Variants in GRM7 observed in about 807,000 individuals in gnomAD.
GRM7 encodes glutamate metabotropic receptor 7, also known as metabotropic glutamate receptor 7.
A neutral mutation model predicts 84.5 loss-of-function variants in GRM7; 35 were observed. The ratio of observed to expected loss-of-function variants is 0.41; its 90% CI spans 0.32 to 0.55. The LOEUF is 0.55. Ranked by LOEUF, GRM7 falls within the 20% of genes least tolerant of loss-of-function variation. The probability of loss-of-function intolerance (pLI) is 0.19; values close to 1 mark genes in which losing one functional copy is unlikely to be tolerated. For synonymous variants in GRM7, 487 were observed against 455.1 expected (o/e 1.07, Z -0.89); for missense variants, 1,003 against 1,194.6 (o/e 0.84, Z 2.36).
chr3:7,138,726 T>C (rs1462493560), intron 1 of GRM7, among the ~76,000 whole-genome samples: 2 of 151,676 alleles, frequency 1.3e-5, no homozygotes, highest in Non-Finnish European at 3.0e-5. Context: ...TAGATATACA[T>C]TACATTATTA....
At position 7,680,273 on chromosome 3, in the gene GRM7, C is replaced by G; in HGVS notation, c.2676C>G (p.Leu892=). 6.2e-7 allele frequency: 1 copy of G among 1,614,160 alleles called. No homozygotes were observed. Among genetic ancestry groups the G allele is most frequent in the Non-Finnish European group, 8.5e-7 (1 of 1,179,986 alleles). The change falls in exon 9 of 10, where the codon CTC becomes CTG. Residue 892 remains leucine (L), a synonymous_variant. Coordinates refer to ENST00000357716, the MANE Select transcript of GRM7 (RefSeq NM_000844.4). ...DRPNGEAKTE[L]CENVDPNSPA... Reference sequence around the variant, plus strand: ...CCAACGGTGAGGCAAAGACCGAGCTCTGTGAAAACGTAGACCCAAACAGTA... The same window carrying G: ...CCAACGGTGAGGCAAAGACCGAGCTGTGTGAAAACGTAGACCCAAACAGTA...
At chr3:7,502,455 T>C (rs1699912534) in intron 7 of GRM7, among the ~76,000 whole-genome samples, 1 of 152,164 alleles carries the variant, frequency 6.6e-6, no homozygotes, top group Non-Finnish European at 1.5e-5. Flanking sequence ...AATGAGACAT[T>C]TGGGTATCAG....
chr3:7,164,902 G>A (rs1184919722), intron 2 of GRM7, among the ~76,000 whole-genome samples: 1 of 152,180 alleles, frequency 6.6e-6, no homozygotes, highest in Non-Finnish European at 1.5e-5. Context: ...TCTGGGTTGA[G>A]ACTAGTGTAA....
chr3:7,296,823 A>T (rs1175634434), intron 2 of GRM7, among the ~76,000 whole-genome samples: 3 of 146,526 alleles, frequency 2.0e-5, no homozygotes, highest in Non-Finnish European at 3.0e-5. Flanking sequence ...AGCTTTTTTA[A>T]AAAAAAAAAA....
At chr3:7,067,639 A>G (rs1384687210) in intron 1 of GRM7, among the ~76,000 whole-genome samples, 1 of 151,880 alleles carries the variant, frequency 6.6e-6, no homozygotes, top group East Asian at 1.9e-4. Context: ...GGGAGGAGAG[A>G]ACTGGGATAC....
chr3:7,538,885 G>A (rs1455383142), intron 7 of GRM7, among the ~76,000 whole-genome samples: 1 of 152,106 alleles, frequency 6.6e-6, no homozygotes, highest in Non-Finnish European at 1.5e-5. Context: ...ATCAGAATAG[G>A]GACTTGGTAG....
At chr3:6,867,025 T>C (rs1031601644) in intron 1 of GRM7, among the ~76,000 whole-genome samples, 8 of 152,210 alleles carry the variant, frequency 5.3e-5, no homozygotes, top group African/African-American at 1.7e-4. Context: ...TAGATGTGAG[T>C]AGGGCTGAGT....
Position 7,634,493 on chromosome 3 carries a change from AAAAAAAAAAG to A in GRM7, c.2452-45555_2452-45546del, listed in dbSNP as rs1376600595. 1.3e-3 allele frequency among the ~76,000 whole-genome samples: 173 copies of A among 132,414 alleles called. 2 individuals carry two copies. The highest frequency in any genetic ancestry group is 4.2e-3 in the African/African-American group (151 of 35,826). The allele number at this position is 132,414 out of a possible 152,430, so 86.9% of individuals were successfully genotyped here. A position where few individuals can be genotyped will look rare whatever the true frequency, so the allele number is the denominator to read the frequency against. On this transcript the variant is annotated intron_variant, in intron 8 of 9. Transcript: ENST00000357716. Reference sequence around the variant, plus strand: ...CACTTTTTTTCCAAAAAAAAAAAAAAAAAAAAAAAGGGCTGGGCTCCATGGCTCACGCCTG... The same window carrying A: ...CACTTTTTTTCCAAAAAAAAAAAAAAGGCTGGGCTCCATGGCTCACGCCTG...
At chr3:7,203,146 G>T (rs1318131784) in intron 2 of GRM7, among the ~76,000 whole-genome samples, 1 of 152,026 alleles carries the variant, frequency 6.6e-6, no homozygotes, top group Non-Finnish European at 1.5e-5. Flanking sequence ...TCAAACCTTG[G>T]AACTTATTTC....
chr3:7,615,235 T>A (rs919899646), intron 8 of GRM7, among the ~76,000 whole-genome samples: 1 of 151,846 alleles, frequency 6.6e-6, no homozygotes, highest in Non-Finnish European at 1.5e-5. Context: ...TAAATCTGTG[T>A]GTCACTGTCT....
At chr3:7,542,698 C>T (rs1293621603) in intron 7 of GRM7, among the ~76,000 whole-genome samples, 2 of 151,982 alleles carry the variant, frequency 1.3e-5, no homozygotes, top group Admixed American at 6.5e-5. Flanking sequence ...CAGGCACATG[C>T]CACCACGCCA....
rs368087798 is a variant in GRM7 at position 7,593,059 on chromosome 3, G to A, written c.2451+13702G>A. Among the ~76,000 whole-genome samples the A allele has an allele frequency of 9.2e-5, 14 of 152,304 alleles. No individual in the cohort carries two copies. The South Asian group carries it at 2.9e-3, about 32-fold the overall frequency. ...ATATTCCATGCATGGAAATGCTCTT[G>A]CTAGTTAGAGTATCTTTTCAAATGC... On this transcript the variant is annotated intron_variant, in intron 8 of 9. Transcript: ENST00000357716.
At chr3:7,519,322 A>G (rs1700505357) in intron 7 of GRM7, among the ~76,000 whole-genome samples, 1 of 151,734 alleles carries the variant, frequency 6.6e-6, no homozygotes, top group African/African-American at 2.4e-5. Context: ...AGATAGCACC[A>G]CTGCACTCCA....
intron 7 of GRM7, among the ~76,000 whole-genome samples, chr3:7,542,793 G>C (rs1389129972): frequency 6.6e-6 from 1 of 152,120 alleles, no homozygotes; most frequent in Non-Finnish European, 1.5e-5. Flanking sequence ...TGATCTGCCT[G>C]CCTCGGCCTC....
intron 5 of GRM7, among the ~76,000 whole-genome samples, chr3:7,444,682 C>A (rs906806800): frequency 5.3e-5 from 8 of 152,038 alleles, no homozygotes; most frequent in Non-Finnish European, 1.0e-4. Flanking sequence ...TGCATTGTAC[C>A]TAAACATATC....
At chr3:7,316,811 G>A (rs558100169) in intron 4 of GRM7, among the ~76,000 whole-genome samples, 1 of 152,196 alleles carries the variant, frequency 6.6e-6, no homozygotes, top group South Asian at 2.1e-4. Context: ...TGGAGTTTAT[G>A]GGAGACATCT....
intron 4 of GRM7, among the ~76,000 whole-genome samples, chr3:7,314,699 C>G (rs946640394): frequency 1.3e-4 from 19 of 151,950 alleles, no homozygotes; most frequent in African/African-American, 4.4e-4. Context: ...TTTCCTGTAG[C>G]TCTTTGAGAT....
At position 7,579,266 on chromosome 3, in the gene GRM7, C is replaced by A. The variant is rs1467891987; in HGVS notation, c.2360C>A (p.Ala787Asp). Residue 787 changes from alanine (A) to aspartate (D), a missense_variant, in exon 8 of 10, where the codon GCC becomes GAC. By Grantham distance (126) the Ala-to-Asp change is moderately radical. Transcript: ENST00000357716. ...GGTGTACCCGAGAATTTTAACGAAG[C>A]CAAGCCCATTGGATTCACTATGTAC... ...TRGVPENFNE[A>D]KPIGFTMYTT... The A allele has an allele frequency of 6.2e-7, 1 of 1,613,870 alleles. No homozygotes were observed. Among genetic ancestry groups the A allele is most frequent in the South Asian group, 1.1e-5 (1 of 91,054 alleles).
At chr3:6,879,331 G>A (rs1695425238) in intron 1 of GRM7, among the ~76,000 whole-genome samples, 1 of 152,162 alleles carries the variant, frequency 6.6e-6, no homozygotes, top group Non-Finnish European at 1.5e-5. Context: ...ACAGTGTGAT[G>A]TTTTTGATAT....
Sources: gnomAD v4.1 joint callset for allele counts (sites outside exome capture counted in the v4.1 genomes callset) on GRCh38, gnomAD v4.1.1 for gene constraint, MANE v1.5 for transcripts, NCBI Gene and HGNC (gene_info 2026-07-23, HGNC 2026-07-21) for gene names.